The following MIPEP variants were observed in gnomAD, a reference collection of about 807,000 sequenced individuals.
The protein encoded by MIPEP is mitochondrial intermediate peptidase.
In MIPEP, 79 loss-of-function variants were observed where a neutral mutation model predicts 90.3. The ratio of observed to expected loss-of-function variants is 0.87; its 90% confidence interval spans 0.73 to 1.05. The LOEUF (loss-of-function observed/expected upper bound fraction) is 1.05, where lower values mean the gene tolerates loss of function less well. Ranked by LOEUF, MIPEP falls within the 50% of genes least tolerant of loss-of-function variation. The probability of loss-of-function intolerance (pLI) is 0.00; values close to 1 mark genes in which losing one functional copy is unlikely to be tolerated. For synonymous variants in MIPEP, 334 were observed against 315.8 expected (o/e 1.06, Z -0.61); for missense variants, 940 against 905.6 (o/e 1.04, Z -0.49).
intron 16 of MIPEP, among the ~76,000 whole-genome samples, chr13:23,765,050 C>G (rs1291735406): frequency 6.6e-6 from 1 of 152,198 alleles, no homozygotes; most frequent in African/African-American, 2.4e-5. Context: ...GCAGGTTCTG[C>G]AACCACAACC....
intron 18 of MIPEP, among the ~76,000 whole-genome samples, chr13:23,742,377 C>T (rs1339924497): frequency 1.3e-5 from 2 of 152,230 alleles, no homozygotes; most frequent in African/African-American, 2.4e-5. Context: ...AGACTAATCA[C>T]TTAACCCCTG....
At chr13:23,735,284 G>C (rs1952249843) in intron 18 of MIPEP, among the ~76,000 whole-genome samples, 1 of 152,060 alleles carries the variant, frequency 6.6e-6, no homozygotes, top group African/African-American at 2.4e-5. Flanking sequence ...CCCTTCCTCT[G>C]TCTCTGTACA....
At chr13:23,747,868 C>G (rs1323118537) in intron 18 of MIPEP, among the ~76,000 whole-genome samples, 2 of 152,068 alleles carry the variant, frequency 1.3e-5, no homozygotes, top group African/African-American at 2.4e-5. Context: ...AGACTCCTGA[C>G]TAGCTGGGAC....
chr13:23,803,307 G>A (rs891976433), intron 16 of MIPEP, among the ~76,000 whole-genome samples: 5 of 152,044 alleles, frequency 3.3e-5, no homozygotes, highest in African/African-American at 7.2e-5. Context: ...AGGTTGCAGT[G>A]AGCCAATACT....
At chr13:23,768,209 C>T (rs1952612019) in intron 16 of MIPEP, among the ~76,000 whole-genome samples, 1 of 152,194 alleles carries the variant, frequency 6.6e-6, no homozygotes, top group Non-Finnish European at 1.5e-5. Flanking sequence ...GCTTGATAGG[C>T]AAGGGGAGGC....
At chr13:23,783,440 G>A (rs1444937223) in intron 16 of MIPEP, among the ~76,000 whole-genome samples, 2 of 152,144 alleles carry the variant, frequency 1.3e-5, no homozygotes, top group Non-Finnish European at 2.9e-5. Flanking sequence ...AGGTATTGAT[G>A]GGACATATCT....
chr13:23,838,847 T>C lies in MIPEP; in HGVS notation c.1338+802A>G, dbSNP rs7140088. The stretch of plus-strand genomic sequence containing the variant: ...TTTCACACCTACTAGACAAATCATC[T>C]CGGAAAATAATTTGCTTCTGCAAGC... On this transcript the variant is annotated intron_variant, in intron 12 of 18. Coordinates refer to ENST00000382172, the MANE Select transcript of MIPEP (RefSeq NM_005932.4). 5.0e-3 allele frequency among the ~76,000 whole-genome samples: 766 copies of C among 152,290 alleles called. 8 individuals carry two copies. Among genetic ancestry groups the C allele is most frequent in the African/African-American group, 0.016 (667 of 41,556 alleles).
intron 1 of MIPEP, chr13:23,888,802 G>A: frequency 6.8e-6 from 7 of 1,031,488 alleles, no homozygotes; most frequent in Non-Finnish European, 8.3e-6. Context: ...TAGCAGGGGT[G>A]CGCCTGAGTG....
At chr13:23,875,624 G>A (rs1454157533) in intron 4 of MIPEP, among the ~76,000 whole-genome samples, 2 of 148,914 alleles carry the variant, frequency 1.3e-5, no homozygotes, top group Admixed American at 6.7e-5. Context: ...GGCTTTCCTT[G>A]AGTTTTCAAA....
At chr13:23,762,158 ACTT>A (rs1190309868) in intron 16 of MIPEP, among the ~76,000 whole-genome samples, 2 of 151,968 alleles carry the variant, frequency 1.3e-5, no homozygotes, top group African/African-American at 4.8e-5. Flanking sequence ...TAAATAAACA[ACTT>A]TTTTAAAAAG....
chr13:23,863,660 C>A (rs1196357685), intron 8 of MIPEP, among the ~76,000 whole-genome samples: 2 of 152,028 alleles, frequency 1.3e-5, no homozygotes, highest in African/African-American at 4.8e-5. Flanking sequence ...AAGGGACACT[C>A]AACTTGTTAT....
At chr13:23,769,288 A>T (rs1952625470) in intron 16 of MIPEP, among the ~76,000 whole-genome samples, 1 of 152,184 alleles carries the variant, frequency 6.6e-6, no homozygotes, top group African/African-American at 2.4e-5. Context: ...TCTGGGAGTC[A>T]ATGAAACCCC....
intron 9 of MIPEP, among the ~76,000 whole-genome samples, chr13:23,859,644 T>C (rs529256857): frequency 4.6e-5 from 7 of 152,194 alleles, no homozygotes; most frequent in Non-Finnish European, 7.3e-5. Flanking sequence ...CCCTATTACA[T>C]TCCTGTCCCC....
chr13:23,816,271 G>A (rs1953236376), intron 14 of MIPEP, among the ~76,000 whole-genome samples: 1 of 152,038 alleles, frequency 6.6e-6, no homozygotes, highest in South Asian at 2.1e-4. Context: ...TTTCCTTTCT[G>A]GAACTTGAAT....
At chr13:23,882,212 G>A (rs1173155125) in intron 2 of MIPEP, among the ~76,000 whole-genome samples, 1 of 151,960 alleles carries the variant, frequency 6.6e-6, no homozygotes, top group East Asian at 1.9e-4. Context: ...TGTGACTACA[G>A]GTGCCCACCA....
intron 16 of MIPEP, among the ~76,000 whole-genome samples, chr13:23,785,074 A>C (rs140183503): frequency 6.6e-6 from 1 of 152,358 alleles, no homozygotes; most frequent in East Asian, 1.9e-4. Context: ...TGTGGAAGAC[A>C]GTATGGCGAT....
In MIPEP at chr13:23,817,705, G is replaced by A. The variant is rs573998679; in HGVS notation, c.1654-7781C>T. Among the ~76,000 whole-genome samples, 22 of 152,242 alleles carry A rather than the reference G, an allele frequency of 1.4e-4. No homozygotes were observed. In the South Asian group the frequency reaches 2.3e-3, roughly 16 times the overall value. ...GCTGCAGGTGTGTAACGTCGGGCTT[G>A]TTGATTCAATTTGTTTGTGTACCCC... On this transcript the variant is annotated intron_variant, in intron 14 of 18. Coordinates refer to ENST00000382172, the MANE Select transcript of MIPEP (RefSeq NM_005932.4).
chr13:23,814,212 A>G (rs1752736076), intron 14 of MIPEP, among the ~76,000 whole-genome samples: 1 of 152,150 alleles, frequency 6.6e-6, no homozygotes, highest in African/African-American at 2.4e-5. Context: ...CTGACATATA[A>G]TTTCTCAATT....
Position 23,863,814 on chromosome 13 carries a change from C to T in MIPEP, c.992+327G>A, listed in dbSNP as rs113621268. ...TATTTAGGCCAAAAGAAGAGAAATA[C>T]TACTTTATGAACTTGTCATAAAATT... On this transcript the variant is annotated intron_variant, in intron 8 of 18. Transcript: ENST00000382172. Among the ~76,000 whole-genome samples, 16 of 152,286 alleles carry T rather than the reference C, an allele frequency of 1.1e-4. No homozygotes were observed. The South Asian group carries it at 2.9e-3, about 28-fold the overall frequency.
Sources: allele counts gnomAD v4.1 joint callset (sites outside exome capture counted in the v4.1 genomes callset), GRCh38; gene constraint gnomAD v4.1.1; transcripts MANE v1.5; gene names NCBI Gene and HGNC (gene_info 2026-07-23, HGNC 2026-07-21).